RAP1A: variants seen among roughly 807,000 people sequenced by gnomAD.
RAP1A encodes the protein RAP1A, member of RAS oncogene family, also known as ras-related protein Rap-1A.
RAP1A carries 6 observed loss-of-function variants against 26.4 expected under a neutral mutation model. The observed-to-expected ratio is 0.23, with a 90% CI of 0.12 to 0.45. The LOEUF (loss-of-function observed/expected upper bound fraction) is 0.45, where lower values mean the gene tolerates loss of function less well. Ranked by LOEUF, RAP1A falls within the 20% of genes least tolerant of loss-of-function variation. The pLI is 0.99. For missense variants in RAP1A, 121 were observed against 217.2 expected (o/e 0.56, Z 2.78); for synonymous variants, 73 against 79.4 (o/e 0.92, Z 0.43).
chr1:111,550,421 T>A (rs1657212934), intron 1 of RAP1A, among the ~76,000 whole-genome samples: 1 of 152,200 alleles, frequency 6.6e-6, no homozygotes, highest in Non-Finnish European at 1.5e-5. Context: ...GAAGATCATG[T>A]TGTTGATTTG....
At chr1:111,631,234 G>A (rs1321078866) in intron 1 of RAP1A, among the ~76,000 whole-genome samples, 1 of 152,086 alleles carries the variant, frequency 6.6e-6, no homozygotes, top group Non-Finnish European at 1.5e-5. Context: ...TAAGTCTTTG[G>A]CAATTTGAGA....
intron 1 of RAP1A, among the ~76,000 whole-genome samples, chr1:111,562,009 A>G (rs1397921282): frequency 6.6e-6 from 1 of 152,066 alleles, no homozygotes; most frequent in African/African-American, 2.4e-5. Flanking sequence ...CAAACCCTCC[A>G]CACTCTGAAC....
chr1:111,603,600 A>ATT (rs1488864692), intron 1 of RAP1A, among the ~76,000 whole-genome samples: 4 of 152,106 alleles, frequency 2.6e-5, no homozygotes, highest in African/African-American at 9.7e-5. Context: ...CAAATATTTC[A>ATT]TTTTTTCCTT....
At chr1:111,681,142 G>A (rs1661280379) in intron 1 of RAP1A, among the ~76,000 whole-genome samples, 1 of 152,220 alleles carries the variant, frequency 6.6e-6, no homozygotes, top group Non-Finnish European at 1.5e-5. Flanking sequence ...AGCTACTCAG[G>A]AGGCTGAGGC....
At chr1:111,638,606 T>C (rs1659796795) in intron 1 of RAP1A, among the ~76,000 whole-genome samples, 1 of 152,128 alleles carries the variant, frequency 6.6e-6, no homozygotes, top group Non-Finnish European at 1.5e-5. Context: ...TTGTATTTTT[T>C]GTAGAGACAG....
intron 1 of RAP1A, among the ~76,000 whole-genome samples, chr1:111,657,328 T>A (rs1001363848): frequency 6.6e-6 from 1 of 152,202 alleles, no homozygotes; most frequent in African/African-American, 2.4e-5. Flanking sequence ...TTTCAGGCTG[T>A]GTATGAAGTG....
intron 1 of RAP1A, chr1:111,648,302 T>G (rs1030923641): frequency 4.1e-6 from 4 of 976,278 alleles, no homozygotes; most frequent in Non-Finnish European, 6.1e-6. Flanking sequence ...TCTCAGAACT[T>G]TGGTGTCATT....
chr1:111,623,214 C>T (rs1267986626), intron 1 of RAP1A, among the ~76,000 whole-genome samples: 3 of 150,980 alleles, frequency 2.0e-5, no homozygotes, highest in Admixed American at 1.3e-4. Flanking sequence ...TTAGTAGAGA[C>T]GAGGTTTCCC....
At chr1:111,663,483 T>A (rs951520607) in intron 1 of RAP1A, among the ~76,000 whole-genome samples, 1 of 152,204 alleles carries the variant, frequency 6.6e-6, no homozygotes, top group Non-Finnish European at 1.5e-5. Context: ...AAAGTAGTGA[T>A]AGTAGTATTT....
intron 4 of RAP1A, among the ~76,000 whole-genome samples, chr1:111,698,416 G>A (rs1006913602): frequency 3.3e-5 from 5 of 151,972 alleles, no homozygotes; most frequent in Admixed American, 2.6e-4. Context: ...TTAAAGGCAC[G>A]TACCACCACC....
intron 1 of RAP1A, among the ~76,000 whole-genome samples, chr1:111,684,989 A>G (rs1661425257): frequency 6.6e-6 from 1 of 152,140 alleles, no homozygotes; most frequent in South Asian, 2.1e-4. Flanking sequence ...CATATCTACA[A>G]CCATCTGATC....
At chr1:111,700,478 G>A (rs1418132681) in intron 4 of RAP1A, among the ~76,000 whole-genome samples, 1 of 152,106 alleles carries the variant, frequency 6.6e-6, no homozygotes, top group Admixed American at 6.5e-5. Context: ...TGTGAGGATA[G>A]CACCAAGCTA....
At chr1:111,559,220 T>G (rs951137145) in intron 1 of RAP1A, among the ~76,000 whole-genome samples, 5 of 152,120 alleles carry the variant, frequency 3.3e-5, no homozygotes, top group African/African-American at 1.2e-4. Context: ...ATTGCCTATA[T>G]GAGCAAGAAA....
At chr1:111,664,247 G>T (rs1660721379) in intron 1 of RAP1A, among the ~76,000 whole-genome samples, 1 of 151,954 alleles carries the variant, frequency 6.6e-6, no homozygotes, top group African/African-American at 2.4e-5. Context: ...GGTGGCACAT[G>T]CCTGTAGTCC....
At chr1:111,556,230 A>C (rs1311722058) in intron 1 of RAP1A, among the ~76,000 whole-genome samples, 1 of 152,200 alleles carries the variant, frequency 6.6e-6, no homozygotes, top group Non-Finnish European at 1.5e-5. Context: ...ATCACTTTAC[A>C]CTTATAAGTA....
At chr1:111,613,152 G>GTT (rs149014253) in intron 1 of RAP1A, among the ~76,000 whole-genome samples, 8 of 142,778 alleles carry the variant, frequency 5.6e-5, no homozygotes, top group Admixed American at 1.4e-4. Context: ...AAAACGTAGG[G>GTT]TTTTTTTTTT....
At chr1:111,587,018 A>G (rs1658378690) in intron 1 of RAP1A, among the ~76,000 whole-genome samples, 1 of 152,046 alleles carries the variant, frequency 6.6e-6, no homozygotes, top group Non-Finnish European at 1.5e-5. Flanking sequence ...AAGAGCTTAC[A>G]TTTCCTTGAC....
intron 1 of RAP1A, among the ~76,000 whole-genome samples, chr1:111,573,445 C>A (rs1200883789): frequency 6.6e-6 from 1 of 152,134 alleles, no homozygotes; most frequent in Non-Finnish European, 1.5e-5. Context: ...AGCAATTCTC[C>A]TGCTTCAGCC....
upstream of RAP1A, among the ~76,000 whole-genome samples, chr1:111,619,091 G>A (rs114762519): frequency 5.4e-3 from 817 of 152,312 alleles, 8 homozygotes; most frequent in African/African-American, 0.018. Context: ...CTCTCGGGCT[G>A]GCTGACGCTG....
Sources: gnomAD v4.1 joint callset for allele counts (sites outside exome capture counted in the v4.1 genomes callset) on GRCh38, gnomAD v4.1.1 for gene constraint, MANE v1.5 for transcripts, NCBI Gene and HGNC (gene_info 2026-07-23, HGNC 2026-07-21) for gene names.